The following TP53BP1 variants were observed in gnomAD, a reference collection of about 807,000 sequenced individuals.
The protein encoded by TP53BP1 is TP53-binding protein 1.
TP53BP1 carries 61 observed loss-of-function variants against 200.8 expected under a neutral mutation model. The ratio of observed to expected loss-of-function variants is 0.30; its 90% CI spans 0.25 to 0.38. TP53BP1 has a LOEUF of 0.38. TP53BP1 is among the 10% of genes least tolerant of loss of function. TP53BP1 has a pLI of 1.00. For synonymous variants in TP53BP1, 822 were observed against 844.3 expected, an observed-to-expected ratio of 0.97 and a Z score of 0.46; for missense variants, 2,144 against 2,371.9, an observed-to-expected ratio of 0.90 and a Z score of 2.00.
intron 16 of TP53BP1, among the ~76,000 whole-genome samples, chr15:43,438,048 C>T (rs961980666): frequency 6.6e-6 from 1 of 152,232 alleles, no homozygotes; most frequent in African/African-American, 2.4e-5. Context: ...ACTGCCCCTT[C>T]AGCCTTTTAT....
intron 1 of TP53BP1, among the ~76,000 whole-genome samples, chr15:43,498,881 G>C (rs967998801): frequency 6.6e-6 from 1 of 152,086 alleles, no homozygotes; most frequent in Non-Finnish European, 1.5e-5. Context: ...CTAAAGAAAA[G>C]TTAACCTGCA....
chr15:43,490,789 T>A (rs2140153467), intron 4 of TP53BP1, among the ~76,000 whole-genome samples: 1 of 152,308 alleles, frequency 6.6e-6, no homozygotes, highest in East Asian at 1.9e-4. Flanking sequence ...TCTAATTTCT[T>A]TGTCCATCAA....
In TP53BP1 at chr15:43,456,883, A is replaced by C; in HGVS notation, c.1725T>G (p.Asn575Lys). The change falls in exon 12 of 28, where the codon AAT becomes AAG. Residue 575 changes from asparagine to lysine, a missense_variant. Around this residue, in one of 4 missense-constraint regions of TP53BP1, gnomAD observed 1,700 missense variants for 1,710.3 expected, o/e 0.99. Transcript: ENST00000382044. ...VPAENDSILM[N>K]PAQDGEVQLS... ...GTTGTACTTCACCATCCTGTGCTGG[A>C]TTCATCAGGATACTATCATTTTCAG... 6.2e-7 allele frequency: 1 copy of C among 1,614,000 alleles called. No individual in the cohort carries two copies. Among genetic ancestry groups the C allele is most frequent in the Non-Finnish European group, 8.5e-7 (1 of 1,180,048 alleles).
chr15:43,475,141 C>T (rs1896767408), intron 9 of TP53BP1, among the ~76,000 whole-genome samples: 1 of 152,102 alleles, frequency 6.6e-6, no homozygotes, highest in African/African-American at 2.4e-5. Flanking sequence ...AGACCATGAA[C>T]ATTTTCATCA....
intron 12 of TP53BP1, among the ~76,000 whole-genome samples, chr15:43,454,591 G>C (rs8036673): frequency 1.3e-5 from 2 of 151,992 alleles, no homozygotes. Flanking sequence ...TCAAACTTCC[G>C]ACCTCAGGCG....
chr15:43,479,448 T>A lies in TP53BP1; in HGVS notation c.737A>T (p.Gln246Leu). ...QSSKDIPVTA[Q>L]PSKDVHVVKE... ...TACAACATGTACATCCTTACTGGGCTGTGCTGTCACAGGGATGTCCTTGCT... is the reference window on the plus strand; with the variant it reads ...TACAACATGTACATCCTTACTGGGCAGTGCTGTCACAGGGATGTCCTTGCT... Residue 246 changes from glutamine to leucine, a missense_variant, in exon 7 of 28, where the codon CAG (glutamine) becomes CTG (leucine). Gln to Leu is a moderately radical substitution (Grantham distance 113). Transcript: ENST00000382044. 6.2e-7 allele frequency: 1 copy of A among 1,613,984 alleles called. No individual in the cohort carries two copies. The highest frequency in any genetic ancestry group is 8.5e-7 in the Non-Finnish European group (1 of 1,179,948).
At chr15:43,493,587 ACC>A (rs1489003018), upstream of TP53BP1, among the ~76,000 whole-genome samples, 3 of 151,998 alleles carry the variant, frequency 2.0e-5, no homozygotes, top group Non-Finnish European at 4.4e-5. Context: ...GAGCTGGTGA[ACC>A]CAACAGAAGA....
At chr15:43,488,526 A>T (rs112292216) in intron 4 of TP53BP1, among the ~76,000 whole-genome samples, 1,715 of 152,270 alleles carry the variant, frequency 0.011, 25 homozygotes, top group African/African-American at 0.039. Context: ...GCAGGTGATA[A>T]AACTATGTAA....
chr15:43,428,232 TA>T, intron 17 of TP53BP1, 64 bp from the exon 18 acceptor site: 1 of 1,425,716 alleles, frequency 7.0e-7, no homozygotes. Context: ...TCACAAATCT[TA>T]TGCTTCATGA....
chr15:43,421,015 A>T lies in TP53BP1; in HGVS notation c.4250+10T>A. Reference sequence around the variant, plus strand: ...CAACAGACTAAGTATATCTTACACTACCCAGGTACCTGGTTCCAGTGGTCC... The same window carrying T: ...CAACAGACTAAGTATATCTTACACTTCCCAGGTACCTGGTTCCAGTGGTCC... On this transcript the variant is annotated intron_variant, in intron 20 of 27. Transcript: ENST00000382044. The T allele has an allele frequency of 6.2e-7, 1 of 1,610,858 alleles. No individual in the cohort carries two copies. Among genetic ancestry groups the T allele is most frequent in the South Asian group, 1.1e-5 (1 of 90,688 alleles).
intron 1 of TP53BP1, 113 bp from the exon 2 acceptor site, chr15:43,492,581 G>A: frequency 1.3e-6 from 1 of 762,908 alleles, no homozygotes; most frequent in East Asian, 2.5e-5. Context: ...GACCACTTCA[G>A]GACTCCTCCA....
chr15:43,492,147 T>C (rs1022784045), intron 2 of TP53BP1, 52 bp from the exon 3 acceptor site: 3 of 1,518,862 alleles, frequency 2.0e-6, no homozygotes, highest in African/African-American at 2.8e-5. Context: ...TAGTTCAAAA[T>C]GAAACCTACT....
upstream of TP53BP1, among the ~76,000 whole-genome samples, chr15:43,495,414 G>A (rs546231089): frequency 4.5e-3 from 677 of 151,690 alleles, 5 homozygotes; most frequent in African/African-American, 0.015. Context: ...CAGGAGAATT[G>A]CTTGAACCCT....
rs117665911 is a variant in TP53BP1 at position 43,455,447 on chromosome 15, G to A, written c.2716+445C>T. Among the ~76,000 whole-genome samples, 112 of 152,262 alleles carry A rather than the reference G, an allele frequency of 7.4e-4. 2 individuals are homozygous for A. The East Asian group carries it at 0.02, about 27-fold the overall frequency. ...TAAAAAAATACAATCCAGGTTGGGC[G>A]TGGTGACTCATCCCTGTAATCCCAG... On this transcript the variant is annotated intron_variant, in intron 12 of 27. Transcript: ENST00000382044.
In TP53BP1 at chr15:43,505,015, G is replaced by A. The variant is rs376521211; in HGVS notation, c.-9+5355C>T. Among the ~76,000 whole-genome samples, 332 of 152,024 alleles carry A rather than the reference G, an allele frequency of 2.2e-3. 2 individuals carry two copies. The highest frequency in any genetic ancestry group is 7.3e-3 in the African/African-American group (303 of 41,462). ...AGTCTGGGTGACAGAGCGAGACTCC[G>A]TTTCAAAAAATAAATAAATAAAATT... On this transcript the variant is annotated intron_variant, in intron 1 of 27. Coordinates refer to the TP53BP1 transcript ENST00000263801.
chr15:43,506,902 T>C (rs1009811629), intron 1 of TP53BP1, among the ~76,000 whole-genome samples: 3 of 152,130 alleles, frequency 2.0e-5, no homozygotes, highest in Admixed American at 1.3e-4. Flanking sequence ...CAGCCTCTAA[T>C]TGGTCACAGG....
At chr15:43,467,774 C>T (rs2046621530) in intron 11 of TP53BP1, among the ~76,000 whole-genome samples, 1 of 151,164 alleles carries the variant, frequency 6.6e-6, no homozygotes, top group Non-Finnish European at 1.5e-5. Flanking sequence ...GTGTTTATAG[C>T]TCATTCTTAA....
intron 10 of TP53BP1, among the ~76,000 whole-genome samples, chr15:43,472,762 A>C (rs2046758366): frequency 6.6e-6 from 1 of 152,210 alleles, no homozygotes; most frequent in Non-Finnish European, 1.5e-5. Flanking sequence ...TTAAAAACAA[A>C]AATTTTTCCT....
chr15:43,473,875 C>A (rs926046585), intron 10 of TP53BP1, among the ~76,000 whole-genome samples: 3 of 152,250 alleles, frequency 2.0e-5, no homozygotes, highest in Non-Finnish European at 4.4e-5. Context: ...TGCTCCTGCA[C>A]TCCTCAGCCC....
Sources: allele counts gnomAD v4.1 joint callset (sites outside exome capture counted in the v4.1 genomes callset), GRCh38; gene constraint gnomAD v4.1.1; regional missense constraint gnomAD v4.1.1; transcripts MANE v1.5; gene names NCBI Gene and HGNC (gene_info 2026-07-23, HGNC 2026-07-21).